Variants in STAG1 observed in about 807,000 individuals in gnomAD.
STAG1 encodes the protein cohesin subunit SA-1.
A neutral mutation model predicts 170.9 loss-of-function variants in STAG1; 26 were observed. The observed-to-expected ratio is 0.15, with a 90% CI of 0.11 to 0.21. The LOEUF (loss-of-function observed/expected upper bound fraction) is 0.21. Ranked by LOEUF, STAG1 falls within the 10% of genes least tolerant of loss-of-function variation. STAG1 has a pLI of 1.00. For synonymous variants in STAG1, 514 were observed against 497.7 expected, an observed-to-expected ratio of 1.03 and a Z score of -0.44; for missense variants, 964 against 1,509.5, an observed-to-expected ratio of 0.64 and a Z score of 5.99.
intron 9 of STAG1, among the ~76,000 whole-genome samples, chr3:136,484,936 C>G (rs1490726429): frequency 6.6e-6 from 1 of 152,186 alleles, no homozygotes; most frequent in South Asian, 2.1e-4. Context: ...TGCTTCGGCT[C>G]GCGCACGGTG....
At chr3:136,472,321 C>A in intron 12 of STAG1, 92 bp downstream of exon 12, 3 of 692,606 alleles carry the variant, frequency 4.3e-6, no homozygotes, top group South Asian at 2.9e-5. Flanking sequence ...TAAACATATA[C>A]ATAAGGACTA....
chr3:136,377,340 T>C (rs968745806), intron 23 of STAG1, among the ~76,000 whole-genome samples: 3 of 112,064 alleles, frequency 2.7e-5, no homozygotes, highest in African/African-American at 3.5e-5. Flanking sequence ...TGAGCCGAGA[T>C]TGCGCCACTG....
chr3:136,691,327 C>T (rs551180546), intron 1 of STAG1, among the ~76,000 whole-genome samples: 24 of 151,756 alleles, frequency 1.6e-4, no homozygotes, highest in African/African-American at 5.3e-4. Flanking sequence ...CCCAGCTACT[C>T]GGGAGGCTGC....
intron 15 of STAG1, among the ~76,000 whole-genome samples, chr3:136,435,428 T>C (rs1310679965): frequency 6.6e-6 from 1 of 152,180 alleles, no homozygotes; most frequent in East Asian, 1.9e-4. Context: ...AGCACTACGC[T>C]ATACTGTCTT....
chr3:136,525,460 A>T (rs1934960706), intron 6 of STAG1, among the ~76,000 whole-genome samples: 1 of 151,686 alleles, frequency 6.6e-6, no homozygotes, highest in Non-Finnish European at 1.5e-5. Context: ...ATCATTTTTT[A>T]TTGCGTCTAT....
At chr3:136,563,051 A>T (rs1263066075) in intron 5 of STAG1, among the ~76,000 whole-genome samples, 2 of 152,242 alleles carry the variant, frequency 1.3e-5, no homozygotes, top group African/African-American at 2.4e-5. Context: ...TTCTAAGGGC[A>T]TATCAGAAAG....
rs1329743758 is a variant in STAG1, at chr3:136,500,033, A to T, written c.902+190T>A. 5 of 501,818 alleles carry T rather than the reference A, an allele frequency of 1.0e-5. No homozygotes were observed. The East Asian group carries it at 1.9e-4, about 19-fold the overall frequency. 31.1% of individuals were successfully genotyped at this position (501,818 alleles called of 1,614,324 possible). On this transcript the variant is annotated intron_variant, in intron 9 of 33. Coordinates refer to ENST00000383202, the MANE Select transcript of STAG1 (RefSeq NM_005862.3). ...GCATATGTTCTGAATTTGGAAGAGT[A>T]TAACAGTGGTAGTGGCAGCAGTCAT...
At chr3:136,398,879 G>C in intron 21 of STAG1, 50 bp from the exon 22 acceptor site, 1 of 1,176,054 alleles carries the variant, frequency 8.5e-7, no homozygotes, top group Non-Finnish European at 1.2e-6. Context: ...AAAAAAATGA[G>C]ATCATCTGTT....
chr3:136,378,875 T>C (rs1277336199), intron 22 of STAG1, among the ~76,000 whole-genome samples: 7 of 152,146 alleles, frequency 4.6e-5, no homozygotes, highest in Non-Finnish European at 1.0e-4. Context: ...AAAACAGTAA[T>C]GCAGACTAAT....
At chr3:136,429,716 C>T (rs970832287) in intron 16 of STAG1, among the ~76,000 whole-genome samples, 2 of 152,092 alleles carry the variant, frequency 1.3e-5, no homozygotes, top group South Asian at 2.1e-4. Flanking sequence ...GTGAGTGTAC[C>T]TGCCTCTCCT....
chr3:136,711,360 G>C (rs934870212), intron 1 of STAG1, among the ~76,000 whole-genome samples: 8 of 152,008 alleles, frequency 5.3e-5, no homozygotes, highest in African/African-American at 1.9e-4. Context: ...AGAACAAGCT[G>C]GGCAGCCTGA....
At chr3:136,555,034 C>T (rs942306185) in intron 5 of STAG1, among the ~76,000 whole-genome samples, 1 of 150,256 alleles carries the variant, frequency 6.7e-6, no homozygotes, top group African/African-American at 2.4e-5. Context: ...CAGTAATTCA[C>T]AACTATATAT....
chr3:136,579,383 G>A (rs1937543957), intron 4 of STAG1, among the ~76,000 whole-genome samples: 1 of 132,226 alleles, frequency 7.6e-6, no homozygotes, highest in Non-Finnish European at 1.6e-5. Flanking sequence ...TCAGGAATCT[G>A]AACACAGCTC....
intron 4 of STAG1, among the ~76,000 whole-genome samples, chr3:136,598,781 A>G (rs2075780289): frequency 6.6e-6 from 1 of 152,090 alleles, no homozygotes; most frequent in African/African-American, 2.4e-5. Flanking sequence ...TTATAATGCA[A>G]TTTACCAGGA....
At chr3:136,526,382 T>C (rs578193981) in intron 6 of STAG1, among the ~76,000 whole-genome samples, 77 of 152,312 alleles carry the variant, frequency 5.1e-4, no homozygotes, top group African/African-American at 1.8e-3. Flanking sequence ...TCTTTGTTGG[T>C]TTAAAGTCTG....
At chr3:136,689,057 C>G (rs1942632136) in intron 1 of STAG1, among the ~76,000 whole-genome samples, 1 of 152,168 alleles carries the variant, frequency 6.6e-6, no homozygotes, top group Non-Finnish European at 1.5e-5. Flanking sequence ...AAAGCAGATT[C>G]TTTATGGTGT....
intron 22 of STAG1, among the ~76,000 whole-genome samples, chr3:136,394,741 T>C (rs1402489405): frequency 6.6e-6 from 1 of 151,474 alleles, no homozygotes; most frequent in Non-Finnish European, 1.5e-5. Flanking sequence ...TCACCTGAGG[T>C]TGGGAGTTCG....
At chr3:136,526,066 T>C (rs1935006805) in intron 6 of STAG1, among the ~76,000 whole-genome samples, 1 of 152,240 alleles carries the variant, frequency 6.6e-6, no homozygotes, top group South Asian at 2.1e-4. Flanking sequence ...GAAGAATGTA[T>C]ATTCTGTTAA....
intron 1 of STAG1, among the ~76,000 whole-genome samples, chr3:136,632,521 C>A (rs1940370885): frequency 6.6e-6 from 1 of 152,004 alleles, no homozygotes; most frequent in Admixed American, 6.6e-5. Flanking sequence ...GAAGAGATTC[C>A]CAGCTGGCAT....
Sources: gnomAD v4.1 joint callset for allele counts (sites outside exome capture counted in the v4.1 genomes callset) on GRCh38, gnomAD v4.1.1 for gene constraint, MANE v1.5 for transcripts, NCBI Gene and HGNC (gene_info 2026-07-23, HGNC 2026-07-21) for gene names.